Variants in RNF220 observed in about 807,000 individuals in gnomAD.
RNF220 encodes the protein ring finger protein 220.
In RNF220, 7 loss-of-function variants were observed where a neutral mutation model predicts 67.1. The ratio of observed to expected loss-of-function variants is 0.10; its 90% confidence interval spans 0.06 to 0.20. RNF220 has a LOEUF of 0.20. Ranked by LOEUF, RNF220 falls within the 10% of genes least tolerant of loss-of-function variation. The pLI, the probability that RNF220 is intolerant of heterozygous loss-of-function variation, is 1.00. For missense variants in RNF220, 565 were observed against 740.3 expected (o/e 0.76, Z 2.75); for synonymous variants, 270 against 283.2 (o/e 0.95, Z 0.47).
intron 2 of RNF220, among the ~76,000 whole-genome samples, chr1:44,517,528 A>G (rs1252611394): frequency 1.3e-5 from 2 of 151,620 alleles, no homozygotes; most frequent in Admixed American, 6.6e-5. Context: ...TTTCTTATCT[A>G]TTGTCTTCAA....
rs112374403 is a variant in RNF220, at chr1:44,493,208, T to G, written c.625+80486T>G. Among the ~76,000 whole-genome samples the G allele has an allele frequency of 2.6e-3, 403 of 152,296 alleles. 4 individuals are homozygous for G. Among genetic ancestry groups the G allele is most frequent in the African/African-American group, 9.3e-3 (386 of 41,564 alleles). ...TGTAAAATTACCTTCAGGCTATGTG[T>G]GTAAGGTATATGTAAAACATAAATG... On this transcript the variant is annotated intron_variant, in intron 2 of 14. Transcript: ENST00000361799.
intron 2 of RNF220, among the ~76,000 whole-genome samples, chr1:44,544,617 G>A (rs915649804): frequency 6.6e-6 from 1 of 152,254 alleles, no homozygotes; most frequent in African/African-American, 2.4e-5. Flanking sequence ...CTCCGGAGAA[G>A]GAGGGAAGTG....
chr1:44,649,838 T>G lies in RNF220; in HGVS notation c.1555-45T>G. On this transcript the variant is annotated intron_variant, in intron 13 of 14. Coordinates refer to ENST00000361799, the MANE Select transcript of RNF220 (RefSeq NM_018150.4). The surrounding 1 kb of genome is among the most constrained non-coding windows in gnomAD (Gnocchi z 5.9). The stretch of plus-strand genomic sequence containing the variant: ...CGCCCTCTGGGGGAGTTGGAGAGGG[T>G]GGGCCTACCTCAGAGTGACCCCTTC... 3 of 1,613,374 alleles carry G rather than the reference T, an allele frequency of 1.9e-6. No individual in the cohort carries two copies. Among genetic ancestry groups the G allele is most frequent in the African/African-American group, 1.3e-5 (1 of 74,932 alleles).
chr1:44,537,730 C>T (rs1168672447), intron 2 of RNF220, among the ~76,000 whole-genome samples: 1 of 152,222 alleles, frequency 6.6e-6, no homozygotes, highest in African/African-American at 2.4e-5. Context: ...ATCTTTCCAT[C>T]CTGACCCACC....
At chr1:44,477,706 T>A (rs7545709) in intron 2 of RNF220, among the ~76,000 whole-genome samples, 152,299 of 152,300 alleles carry the variant, frequency 1, 76,149 homozygotes, top group Middle Eastern at 1. Flanking sequence ...TTAGGCTGAA[T>A]AGACAGTAGC....
chr1:44,421,444 T>G (rs984517226), intron 2 of RNF220, among the ~76,000 whole-genome samples: 2 of 152,126 alleles, frequency 1.3e-5, no homozygotes, highest in Admixed American at 1.3e-4. Context: ...TTTACCCTCT[T>G]GCCTATGTGA....
intron 3 of RNF220, among the ~76,000 whole-genome samples, chr1:44,615,513 A>T (rs1007598761): frequency 2.0e-5 from 3 of 152,176 alleles, no homozygotes; most frequent in Admixed American, 6.5e-5. Flanking sequence ...AAGTCATCAG[A>T]CTTGACTGAT....
chr1:44,476,579 T>C (rs982263608), intron 2 of RNF220, among the ~76,000 whole-genome samples: 1 of 152,160 alleles, frequency 6.6e-6, no homozygotes, highest in African/African-American at 2.4e-5. Context: ...TCTCACAGTG[T>C]GTGGTCTGTG....
intron 2 of RNF220, among the ~76,000 whole-genome samples, chr1:44,560,429 C>A (rs556893420): frequency 2.4e-4 from 36 of 151,946 alleles, no homozygotes; most frequent in African/African-American, 8.7e-4. Context: ...CGGTGGTGAC[C>A]AAATGGACAA....
At chr1:44,467,986 C>A (rs187201574) in intron 2 of RNF220, among the ~76,000 whole-genome samples, 12 of 152,090 alleles carry the variant, frequency 7.9e-5, no homozygotes, top group Admixed American at 4.6e-4. Flanking sequence ...AATAGCTGGT[C>A]GGTGGAGCAG....
rs1644754439 is a variant in RNF220, at chr1:44,650,200, TC to T, written c.1629+247del. Reference sequence around the variant, plus strand: ...CTGCATTCTCCCTTCCCCGCCCCGGTCCCCGAAGGCCCACTGCATCACACAG... The same window carrying T: ...CTGCATTCTCCCTTCCCCGCCCCGGTCCCGAAGGCCCACTGCATCACACAG... On this transcript the variant is annotated intron_variant, in intron 14 of 14. Coordinates refer to ENST00000361799, the MANE Select transcript of RNF220 (RefSeq NM_018150.4). This position sits in a 1 kb window ranked among gnomAD's most constrained non-coding sequence, Gnocchi z 4.3. 5 of 579,546 alleles carry T rather than the reference TC, an allele frequency of 8.6e-6. No homozygotes were observed. Among genetic ancestry groups the T allele is most frequent in the African/African-American group, 1.9e-5 (1 of 53,302 alleles). 35.9% of individuals were successfully genotyped at this position (579,546 alleles called of 1,614,324 possible).
intron 2 of RNF220, among the ~76,000 whole-genome samples, chr1:44,473,078 C>A (rs1385036352): frequency 6.6e-6 from 1 of 152,166 alleles, no homozygotes; most frequent in Non-Finnish European, 1.5e-5. Flanking sequence ...CCTGGGACTA[C>A]ACTAGGCAGG....
chr1:44,497,176 G>C (rs759801627), intron 2 of RNF220, among the ~76,000 whole-genome samples: 27 of 151,964 alleles, frequency 1.8e-4, no homozygotes, highest in Non-Finnish European at 3.1e-4. Flanking sequence ...AATTCCCAAG[G>C]CATCTCTAGA....
chr1:44,462,368 T>C (rs1331179339), intron 2 of RNF220, among the ~76,000 whole-genome samples: 2 of 152,198 alleles, frequency 1.3e-5, no homozygotes, highest in African/African-American at 4.8e-5. Flanking sequence ...CTCCAAAATA[T>C]TGACCAAAGG....
intron 5 of RNF220, among the ~76,000 whole-genome samples, chr1:44,629,856 A>T (rs966420841): frequency 6.6e-6 from 1 of 152,222 alleles, no homozygotes; most frequent in African/African-American, 2.4e-5. Flanking sequence ...TAAAGACAAC[A>T]CTATGTAGAG....
intron 2 of RNF220, among the ~76,000 whole-genome samples, chr1:44,553,843 C>T (rs554191901): frequency 6.6e-6 from 1 of 152,254 alleles, no homozygotes; most frequent in Admixed American, 6.5e-5. Context: ...CTAGCAACGA[C>T]AGGGGAGCTG....
chr1:44,428,442 A>G (rs1354646224), intron 2 of RNF220, among the ~76,000 whole-genome samples: 1 of 152,150 alleles, frequency 6.6e-6, no homozygotes, highest in African/African-American at 2.4e-5. Flanking sequence ...CATAATGCTT[A>G]AGACTGTGTT....
intron 2 of RNF220, among the ~76,000 whole-genome samples, chr1:44,541,244 A>G (rs567718678): frequency 2.4e-3 from 366 of 152,272 alleles, no homozygotes; most frequent in African/African-American, 8.0e-3. Context: ...CCTGGCCAAC[A>G]TGGCAAAACT....
chr1:44,408,844 C>T (rs983153519), intron 1 of RNF220: 1 of 152,248 alleles, frequency 6.6e-6, no homozygotes, highest in Non-Finnish European at 1.5e-5. Flanking sequence ...GGGTTTGGCT[C>T]TCAGCTACGG....
Sources: allele counts gnomAD v4.1 joint callset (sites outside exome capture counted in the v4.1 genomes callset), GRCh38; gene constraint gnomAD v4.1.1; non-coding constraint Gnocchi (gnomAD v3.1); transcripts MANE v1.5; gene names NCBI Gene and HGNC (gene_info 2026-07-23, HGNC 2026-07-21).